PSTPIP2: variants seen among roughly 807,000 people sequenced by gnomAD.
The protein encoded by PSTPIP2 is proline-serine-threonine phosphatase interacting protein 2, also known as proline-serine-threonine phosphatase-interacting protein 2.
In PSTPIP2, 33 loss-of-function variants were observed where a neutral mutation model predicts 63.3. The ratio of observed to expected loss-of-function variants is 0.52; its 90% CI spans 0.40 to 0.70. PSTPIP2 has a LOEUF of 0.70. Ranked by LOEUF, PSTPIP2 falls within the 30% of genes least tolerant of loss-of-function variation. The pLI is 0.00. For missense variants in PSTPIP2, 312 were observed against 400.7 expected, an observed-to-expected ratio of 0.78 and a Z score of 1.89; for synonymous variants, 125 against 132.7, an observed-to-expected ratio of 0.94 and a Z score of 0.40.
At chr18:46,023,382 G>A (rs1185421461) in intron 3 of PSTPIP2, among the ~76,000 whole-genome samples, 2 of 152,072 alleles carry the variant, frequency 1.3e-5, no homozygotes. Flanking sequence ...CCAGCATGGA[G>A]AAACCTCTTC....
intron 1 of PSTPIP2, among the ~76,000 whole-genome samples, chr18:46,044,844 T>C (rs1409246917): frequency 2.6e-5 from 4 of 152,086 alleles, no homozygotes; most frequent in African/African-American, 7.2e-5. Context: ...AAAAAGTGGG[T>C]GAAGGACATG....
chr18:46,014,746 T>G (rs575090314), intron 4 of PSTPIP2, among the ~76,000 whole-genome samples: 6 of 152,266 alleles, frequency 3.9e-5, no homozygotes, highest in African/African-American at 1.4e-4. Context: ...GAAACTTCCT[T>G]AGGCAATCAG....
At chr18:46,046,570 T>C (rs1332491827) in intron 1 of PSTPIP2, among the ~76,000 whole-genome samples, 2 of 152,162 alleles carry the variant, frequency 1.3e-5, no homozygotes, top group South Asian at 2.1e-4. Flanking sequence ...TGGAATGCAG[T>C]TTGACAATTG....
chr18:46,017,865 C>A (rs1222941200), intron 3 of PSTPIP2, among the ~76,000 whole-genome samples: 1 of 151,978 alleles, frequency 6.6e-6, no homozygotes, highest in African/African-American at 2.4e-5. Flanking sequence ...GAACTTATTC[C>A]TCCTAACCGA....
At chr18:45,986,258 G>A (rs1374831727) in intron 14 of PSTPIP2, among the ~76,000 whole-genome samples, 1 of 152,076 alleles carries the variant, frequency 6.6e-6, no homozygotes. Flanking sequence ...TGAAATTGAT[G>A]TATATGTTGA....
chr18:46,046,526 A>C (rs1908391232), intron 1 of PSTPIP2, among the ~76,000 whole-genome samples: 1 of 152,206 alleles, frequency 6.6e-6, no homozygotes, highest in Non-Finnish European at 1.5e-5. Context: ...GGGGCATGGC[A>C]GTCTCTACCC....
At chr18:45,994,099 T>C (rs892617926) in intron 9 of PSTPIP2, 7 of 284,548 alleles carry the variant, frequency 2.5e-5, no homozygotes, top group African/African-American at 1.5e-4. Context: ...ATGGTCATAA[T>C]TGTTGATGCT....
At position 46,011,409 on chromosome 18, in the gene PSTPIP2, T is replaced by C. The variant is rs117635367; in HGVS notation, c.248-122A>G. On this transcript the variant is annotated intron_variant, in intron 4 of 14. Transcript: ENST00000409746. ...GAGTAAGTGGTAAAATCAACATCAC[T>C]TCATTTGGTCACCAACATGTATTGA... 165 of 766,026 alleles carry C rather than the reference T, an allele frequency of 2.2e-4. 2 individuals carry two copies. The East Asian group carries it at 4.2e-3, about 20-fold the overall frequency. 47.5% of individuals were successfully genotyped at this position (766,026 alleles called of 1,614,324 possible).
At chr18:46,037,707 C>T (rs1283108626) in intron 2 of PSTPIP2, among the ~76,000 whole-genome samples, 7 of 152,138 alleles carry the variant, frequency 4.6e-5, no homozygotes, top group Non-Finnish European at 8.8e-5. Context: ...AGCGTGCCAC[C>T]AGGAACAGAG....
rs1449880494 is a variant in PSTPIP2 at position 45,983,928 on chromosome 18, C to T, written c.*1531G>A. On this transcript the variant is annotated 3_prime_UTR_variant, in exon 15 of 15. Coordinates refer to ENST00000409746, the MANE Select transcript of PSTPIP2 (RefSeq NM_024430.4). ...TTGGGAGGCCGAGGCAGGTGGATCA[C>T]CTGAGGTCAGGAGTTTGAGACCAGC... 1 of 152,180 alleles carries T rather than the reference C, an allele frequency of 6.6e-6. No individual in the cohort carries two copies. The highest frequency in any genetic ancestry group is 1.5e-5 in the Non-Finnish European group (1 of 68,050). 9.4% of individuals were successfully genotyped at this position (152,180 alleles called of 1,614,324 possible).
intron 4 of PSTPIP2, among the ~76,000 whole-genome samples, chr18:46,012,322 C>T (rs79596506): frequency 0.017 from 2,491 of 150,222 alleles, 67 homozygotes; most frequent in African/African-American, 0.058. Flanking sequence ...TTTTTAGAAA[C>T]GAAATTTTTT....
chr18:46,044,523 A>G (rs1048015245), intron 1 of PSTPIP2, among the ~76,000 whole-genome samples: 3 of 152,242 alleles, frequency 2.0e-5, no homozygotes, highest in African/African-American at 7.2e-5. Context: ...TGGATTAAAG[A>G]CTTAAACATC....
intron 9 of PSTPIP2, 118 bp downstream of exon 9, chr18:45,997,603 CTCGTCCTCCCCCAACCCCCGGCCCCACT>C: frequency 7.9e-6 from 1 of 127,210 alleles, no homozygotes; most frequent in East Asian, 2.3e-4. Flanking sequence ...CTCCCGCCCC[CTCGTCCTCCCCCAACCCCCGGCCCCACT>C]CCCCCTTCCC....
chr18:46,051,215 C>T (rs1036889412), intron 1 of PSTPIP2, among the ~76,000 whole-genome samples: 9 of 152,174 alleles, frequency 5.9e-5, no homozygotes, highest in African/African-American at 2.2e-4. Flanking sequence ...GTGGCTCACA[C>T]CTGTAATCCT....
At chr18:46,057,905 G>A (rs1908824923) in intron 1 of PSTPIP2, among the ~76,000 whole-genome samples, 2 of 151,254 alleles carry the variant, frequency 1.3e-5, no homozygotes, top group South Asian at 4.2e-4. Context: ...GGCTGAGGCA[G>A]GAGAATGGCG....
At chr18:46,052,790 T>G (rs1218585327) in intron 1 of PSTPIP2, among the ~76,000 whole-genome samples, 1 of 152,218 alleles carries the variant, frequency 6.6e-6, no homozygotes, top group Non-Finnish European at 1.5e-5. Context: ...TATCGATGAA[T>G]CAGAAGGTAC....
chr18:46,003,287 C>T (rs2051688601), intron 6 of PSTPIP2, among the ~76,000 whole-genome samples: 1 of 152,208 alleles, frequency 6.6e-6, no homozygotes, highest in Non-Finnish European at 1.5e-5. Context: ...CCCAATAACA[C>T]TGTGTAGAGG....
At chr18:46,023,922 C>T (rs1907476936) in intron 3 of PSTPIP2, among the ~76,000 whole-genome samples, 1 of 151,684 alleles carries the variant, frequency 6.6e-6, no homozygotes, top group African/African-American at 2.4e-5. Context: ...TATAATATAG[C>T]CCTACCTACG....
rs199728726 is a variant in PSTPIP2, at chr18:46,035,430, AAAG to A, written c.134+4514_134+4516del. Among the ~76,000 whole-genome samples, 85 of 32,570 alleles carry A rather than the reference AAAG, an allele frequency of 2.6e-3. 8 individuals are homozygous for A. The East Asian group carries it at 0.041, about 16-fold the overall frequency. 21.4% of individuals were successfully genotyped at this position (32,570 alleles called of 152,430 possible). On this transcript the variant is annotated intron_variant, in intron 2 of 14. Coordinates refer to ENST00000409746, the MANE Select transcript of PSTPIP2 (RefSeq NM_024430.4). The stretch of plus-strand genomic sequence containing the variant: ...GTGAGACTCTGTCTTAAAAAAAAAA[AAAG>A]AAAAGAGAGAGAGAGAGAAATAAAA...
Sources: gnomAD v4.1 joint callset for allele counts (sites outside exome capture counted in the v4.1 genomes callset) on GRCh38, gnomAD v4.1.1 for gene constraint, MANE v1.5 for transcripts, NCBI Gene and HGNC (gene_info 2026-07-23, HGNC 2026-07-21) for gene names.